MED27: variants seen among roughly 807,000 people sequenced by gnomAD.
MED27 encodes the protein mediator complex subunit 27.
MED27 carries 30 observed loss-of-function variants against 38.2 expected under a neutral mutation model. That is an observed-to-expected ratio of 0.79 (90% confidence interval 0.59 to 1.07). The LOEUF (loss-of-function observed/expected upper bound fraction) is 1.07. MED27 is among the 50% of genes least tolerant of loss of function. The probability of loss-of-function intolerance (pLI) is 0.00; values close to 1 mark genes in which losing one functional copy is unlikely to be tolerated. For missense variants in MED27, 289 were observed against 397.5 expected (o/e 0.73, Z 2.32); for synonymous variants, 122 against 153.5 (o/e 0.79, Z 1.52).
intron 4 of MED27, among the ~76,000 whole-genome samples, chr9:131,935,403 T>C (rs758286622): frequency 1.8e-4 from 28 of 152,140 alleles, no homozygotes; most frequent in Non-Finnish European, 2.9e-4. Flanking sequence ...AGTATCCTGG[T>C]ATATGCAAGA....
chr9:131,877,572 T>C (rs1401066242), intron 6 of MED27, among the ~76,000 whole-genome samples: 1 of 151,886 alleles, frequency 6.6e-6, no homozygotes, highest in African/African-American at 2.4e-5. Context: ...TGGGACCCCG[T>C]CTCAAATAAA....
intron 3 of MED27, among the ~76,000 whole-genome samples, chr9:132,013,525 T>C (rs1388259277): frequency 2.0e-5 from 3 of 152,194 alleles, no homozygotes; most frequent in African/African-American, 7.2e-5. Context: ...AACTGTATGC[T>C]CTGTGAAGCT....
rs1478355427 is a variant in MED27, at chr9:131,861,780, T to C, written c.802-1108A>G. Among the ~76,000 whole-genome samples, 2 of 27,446 alleles carry C rather than the reference T, an allele frequency of 7.3e-5. No individual in the cohort carries two copies. The highest frequency in any genetic ancestry group is 3.7e-4 in the Non-Finnish European group (2 of 5,474). 18.0% of individuals were successfully genotyped at this position (27,446 alleles called of 152,430 possible). ...ATGTAAATGGTTCTTTTTTTTTTTT[T>C]TTTTTTTTATGAGACCACATCTCGC... On this transcript the variant is annotated intron_variant, in intron 7 of 7. Transcript: ENST00000292035. This position sits in a 1 kb window ranked among gnomAD's most constrained non-coding sequence, Gnocchi z 4.4.
rs185765871 is a variant in MED27, at chr9:132,035,194, T to C, written c.349-20727A>G. On this transcript the variant is annotated intron_variant, in intron 2 of 7. Coordinates refer to ENST00000292035, the MANE Select transcript of MED27 (RefSeq NM_004269.4). Reference sequence around the variant, plus strand: ...CATTTGCCCAAAGTCACACAGCTGATCCCAGGTCCAAATGAGCCCAATACC... The same window carrying C: ...CATTTGCCCAAAGTCACACAGCTGACCCCAGGTCCAAATGAGCCCAATACC... Among the ~76,000 whole-genome samples, 225 of 152,254 alleles carry C rather than the reference T, an allele frequency of 1.5e-3. 1 individual carries two copies. The highest frequency in any genetic ancestry group is 5.3e-3 in the African/African-American group (219 of 41,532).
At chr9:131,886,348 A>G (rs983732687) in intron 5 of MED27, among the ~76,000 whole-genome samples, 2 of 152,132 alleles carry the variant, frequency 1.3e-5, no homozygotes, top group Admixed American at 1.3e-4. Flanking sequence ...AGCTCATCGA[A>G]CTCCATGACA....
intron 6 of MED27, chr9:131,869,198 TGTCCTCCCCAA>T (rs1285075725): frequency 2.0e-6 from 2 of 985,350 alleles, no homozygotes; most frequent in East Asian, 2.3e-4. Flanking sequence ...TTTTCCCTCC[TGTCCTCCCCAA>T]GTCCTCCACT....
chr9:131,893,785 G>T, intron 5 of MED27, 100 bp downstream of exon 5: 2 of 781,984 alleles, frequency 2.6e-6, no homozygotes, highest in African/African-American at 1.7e-5. Flanking sequence ...GATCATTTCC[G>T]CTATGATTGC....
rs775945545 is a variant in MED27 at position 131,989,781 on chromosome 9, T to TA, written c.479+24555dup. On this transcript the variant is annotated intron_variant, in intron 3 of 7. Transcript: ENST00000292035. Reference sequence around the variant, plus strand: ...TCCCTCCCCTCCACATAAACATACTTAAAAAAAAAAAAAGGAACAATGCAA... The same window carrying TA: ...TCCCTCCCCTCCACATAAACATACTTAAAAAAAAAAAAAAGGAACAATGCAA... 4.6e-3 allele frequency among the ~76,000 whole-genome samples: 639 copies of TA among 140,278 alleles called. 5 individuals carry two copies. The highest frequency in any genetic ancestry group is 8.7e-3 in the African/African-American group (331 of 38,210). The allele number at this position is 140,278 out of a possible 152,430, so 92.0% of individuals were successfully genotyped here.
In MED27 at chr9:132,047,441, G is replaced by GACACACACACACACACAC. The variant is rs56144736; in HGVS notation, c.348+29983_348+30000dup. Among the ~76,000 whole-genome samples, 11 of 145,268 alleles carry GACACACACACACACACAC rather than the reference G, an allele frequency of 7.6e-5. 1 individual carries two copies. The highest frequency in any genetic ancestry group is 1.5e-4 in the African/African-American group (6 of 39,230). On this transcript the variant is annotated intron_variant, in intron 2 of 7. Transcript: ENST00000292035. ...AAATGCTTCATTTCATAATGTTTTA[G>GACACACACACACACACAC]ACACACACACACACACACACACACA...
chr9:132,043,523 T>C (rs1464658062), intron 2 of MED27, among the ~76,000 whole-genome samples: 2 of 151,958 alleles, frequency 1.3e-5, no homozygotes, highest in East Asian at 3.9e-4. Context: ...TTCACATATA[T>C]GATATATATA....
chr9:132,020,439 AC>A (rs1832693279), intron 2 of MED27, among the ~76,000 whole-genome samples: 1 of 152,088 alleles, frequency 6.6e-6, no homozygotes, highest in South Asian at 2.1e-4. Context: ...CACACCCCAT[AC>A]AGCTGGGATG....
intron 6 of MED27, among the ~76,000 whole-genome samples, chr9:131,877,100 T>C (rs1279276575): frequency 6.6e-6 from 1 of 152,044 alleles, no homozygotes; most frequent in East Asian, 1.9e-4. Context: ...CCTCTGAGTG[T>C]GGGGGTCTCA....
chr9:132,064,278 G>A (rs574876423), intron 2 of MED27, among the ~76,000 whole-genome samples: 2 of 152,200 alleles, frequency 1.3e-5, no homozygotes, highest in Admixed American at 6.5e-5. Context: ...AGGAGGTGCT[G>A]AAGTCAGGGA....
intron 3 of MED27, among the ~76,000 whole-genome samples, chr9:131,992,570 A>T (rs572534180): frequency 7.9e-5 from 12 of 152,028 alleles, no homozygotes; most frequent in African/African-American, 1.7e-4. Context: ...GCTATTTTTT[A>T]AAAAAATTTT....
chr9:132,077,826 G>A (rs1012122203), intron 1 of MED27, among the ~76,000 whole-genome samples: 1 of 151,644 alleles, frequency 6.6e-6, no homozygotes, highest in African/African-American at 2.4e-5. Flanking sequence ...AAAAGGTAAG[G>A]GCAGTAGAAT....
intron 6 of MED27, among the ~76,000 whole-genome samples, chr9:131,873,811 G>C (rs567736508): frequency 1.3e-5 from 2 of 152,302 alleles, no homozygotes; most frequent in African/African-American, 4.8e-5. Context: ...GCGAGCCTGT[G>C]GATGTACTCA....
chr9:132,038,497 G>T (rs1333630472), intron 2 of MED27, among the ~76,000 whole-genome samples: 1 of 152,204 alleles, frequency 6.6e-6, no homozygotes, highest in African/African-American at 2.4e-5. Context: ...CGGCCGCCAG[G>T]CATCCTTCTA....
At chr9:131,945,958 C>A (rs1830878977) in intron 3 of MED27, among the ~76,000 whole-genome samples, 1 of 144,506 alleles carries the variant, frequency 6.9e-6, no homozygotes, top group South Asian at 2.3e-4. Context: ...ACAAATCAGA[C>A]CCTATCTCTT....
At chr9:131,951,866 T>C (rs544664176) in intron 3 of MED27, among the ~76,000 whole-genome samples, 3 of 152,244 alleles carry the variant, frequency 2.0e-5, no homozygotes, top group Middle Eastern at 3.2e-3. Context: ...AGGGATGTTC[T>C]TTCAGGTTTC....
Sources: allele counts gnomAD v4.1 joint callset (sites outside exome capture counted in the v4.1 genomes callset), GRCh38; gene constraint gnomAD v4.1.1; non-coding constraint Gnocchi (gnomAD v3.1); transcripts MANE v1.5; gene names NCBI Gene and HGNC (gene_info 2026-07-23, HGNC 2026-07-21).